The following SNRPN variants were observed in gnomAD, a reference collection of about 807,000 sequenced individuals.
The protein encoded by SNRPN is small nuclear ribonucleoprotein-associated protein N.
In SNRPN, 7 loss-of-function variants were observed where a neutral mutation model predicts 25.2. The ratio of observed to expected loss-of-function variants is 0.28; its 90% CI spans 0.16 to 0.52. The LOEUF (loss-of-function observed/expected upper bound fraction) is 0.52, where lower values mean the gene tolerates loss of function less well. Ranked by LOEUF, SNRPN falls within the 20% of genes least tolerant of loss-of-function variation. The pLI, the probability that SNRPN is intolerant of heterozygous loss-of-function variation, is 0.96. For synonymous variants in SNRPN, 124 were observed against 110.6 expected (o/e 1.12, Z -0.76); for missense variants, 196 against 322.5 (o/e 0.61, Z 3.00).
intron 1 of SNRPN, 87 bp downstream of exon 1, chr15:24,955,149 G>T: frequency 6.4e-7 from 1 of 1,572,230 alleles, no homozygotes; most frequent in South Asian, 1.1e-5. Flanking sequence ...TTAGGACTTG[G>T]AGTACTGAAT....
chr15:24,844,573 G>A (rs959486302), intron 2 of SNRPN, among the ~76,000 whole-genome samples: 1 of 151,950 alleles, frequency 6.6e-6, no homozygotes, highest in African/African-American at 2.4e-5. Context: ...CACCCAGGCT[G>A]GAGTGCAATG....
At chr15:24,881,120 G>C (rs145386613) in intron 1 of SNRPN, among the ~76,000 whole-genome samples, 2 of 152,256 alleles carry the variant, frequency 1.3e-5, no homozygotes, top group Non-Finnish European at 2.9e-5. Flanking sequence ...ATGGAAGATA[G>C]GCAGGTGTTC....
At chr15:24,922,967 G>A (rs113200397) in intron 3 of SNRPN, among the ~76,000 whole-genome samples, 8,796 of 140,854 alleles carry the variant, frequency 0.062, 372 homozygotes, top group Admixed American at 0.12. Context: ...GTGCAGTGGC[G>A]CAATCTCAGC....
rs140651683 is a variant in SNRPN, at chr15:24,851,029, T to C, written c.-579+21124T>C. On this transcript the variant is annotated intron_variant, in intron 2 of 12. Transcript: ENST00000400100. Reference sequence around the variant, plus strand: ...TCTACCTCCTGGGCCCTAGCAGTTATCCTACCTCAGCCTCCCATGTAGCTG... The same window carrying C: ...TCTACCTCCTGGGCCCTAGCAGTTACCCTACCTCAGCCTCCCATGTAGCTG... The C allele has an allele frequency of 7.2e-5, 11 of 152,224 alleles. No individual in the cohort carries two copies. The East Asian group carries it at 1.5e-3, about 21-fold the overall frequency. 9.4% of individuals were successfully genotyped at this position (152,224 alleles called of 1,614,324 possible). A position where few individuals can be genotyped will look rare whatever the true frequency, so the allele number is the denominator to read the frequency against.
chr15:24,945,974 T>C (rs1476176128), intron 3 of SNRPN, among the ~76,000 whole-genome samples: 1 of 152,232 alleles, frequency 6.6e-6, no homozygotes, highest in Non-Finnish European at 1.5e-5. Context: ...CCTGTTGGGT[T>C]AGTTCCTGGG....
Position 24,962,225 on chromosome 15 carries a change from G to A in SNRPN, c.-295+16G>A, listed in dbSNP as rs1456095202. 6.2e-7 allele frequency: 1 copy of A among 1,605,782 alleles called. No individual in the cohort carries two copies. Among genetic ancestry groups the A allele is most frequent in the Admixed American group, 1.7e-5 (1 of 59,990 alleles). On this transcript the variant is annotated intron_variant, in intron 2 of 9. Transcript: ENST00000390687. The stretch of plus-strand genomic sequence containing the variant: ...GCAACCAAGAGTGAGTACAGACTGT[G>A]TTGGGAACAAATGCAAGTCAGAATC...
At chr15:24,882,154 A>T (rs1343425525) in intron 1 of SNRPN, among the ~76,000 whole-genome samples, 1 of 152,158 alleles carries the variant, frequency 6.6e-6, no homozygotes, top group Non-Finnish European at 1.5e-5. Context: ...GCGAATGATT[A>T]AATATTAAAT....
chr15:24,914,455 G>A (rs948840583), intron 2 of SNRPN, among the ~76,000 whole-genome samples: 1 of 152,164 alleles, frequency 6.6e-6, no homozygotes, highest in Admixed American at 6.5e-5. Context: ...AGCATTTTGG[G>A]AGGCTGAGGC....
chr15:24,852,304 T>A (rs952046394), upstream of SNRPN: 23 of 152,252 alleles, frequency 1.5e-4, no homozygotes. Flanking sequence ...CAATATTATA[T>A]CTTTTCTTCT....
chr15:24,978,329 G>A lies in SNRPN; in HGVS notation c.685+11G>A, dbSNP rs1280767818. 1 of 1,614,066 alleles carries A rather than the reference G, an allele frequency of 6.2e-7. No individual in the cohort carries two copies. Among genetic ancestry groups the A allele is most frequent in the Non-Finnish European group, 8.5e-7 (1 of 1,179,968 alleles). ...CACCAGGCATTAGAGGTGAGTGGGA[G>A]CATAGGGGTTTGATGGTTCAGCCAG... On this transcript the variant is annotated intron_variant, in intron 9 of 9. Transcript: ENST00000390687.
Position 24,974,863 on chromosome 15 carries a change from C to T in SNRPN, c.3+407C>T, listed in dbSNP as rs546523681. ...CATGAGATGAGCCACTGTGCCTGGC[C>T]ATGAGAAATGTTTCATGATGTGAGA... On this transcript the variant is annotated intron_variant, in intron 4 of 9. Transcript: ENST00000390687. The T allele has an allele frequency of 4.0e-5, 28 of 699,514 alleles. No individual in the cohort carries two copies. The South Asian group carries it at 4.2e-4, about 10-fold the overall frequency. 43.3% of individuals were successfully genotyped at this position (699,514 alleles called of 1,614,324 possible). A position where few individuals can be genotyped will look rare whatever the true frequency, so the allele number is the denominator to read the frequency against.
At chr15:24,864,693 C>G (rs149097522) in intron 1 of SNRPN, among the ~76,000 whole-genome samples, 221 of 151,956 alleles carry the variant, frequency 1.5e-3, no homozygotes, top group African/African-American at 5.2e-3. Context: ...ACATTTCCCC[C>G]CTATGCTCCC....
intron 2 of SNRPN, among the ~76,000 whole-genome samples, chr15:24,887,627 A>G (rs1481385161): frequency 6.6e-6 from 1 of 152,168 alleles, no homozygotes; most frequent in African/African-American, 2.4e-5. Flanking sequence ...TGAGATTTGT[A>G]TACATTGGAG....
intron 1 of SNRPN, among the ~76,000 whole-genome samples, chr15:24,870,309 A>C (rs116847138): frequency 0.013 from 1,972 of 152,314 alleles, 17 homozygotes; most frequent in Middle Eastern, 0.024. Context: ...CGATTTGAGG[A>C]GTAGTCAGCT....
chr15:24,869,186 T>C (rs2054862518), intron 1 of SNRPN, among the ~76,000 whole-genome samples: 1 of 152,100 alleles, frequency 6.6e-6, no homozygotes, highest in Non-Finnish European at 1.5e-5. Context: ...TCAACAATAT[T>C]GACAAGGTTT....
chr15:24,909,631 A>C (rs868070126), intron 2 of SNRPN: 1 of 1,221,884 alleles, frequency 8.2e-7, no homozygotes. Context: ...GGGCATAAGC[A>C]ATCTGACAAA....
At chr15:24,881,465 A>T (rs2056595707) in intron 1 of SNRPN, among the ~76,000 whole-genome samples, 1 of 151,436 alleles carries the variant, frequency 6.6e-6, no homozygotes, top group Non-Finnish European at 1.5e-5. Flanking sequence ...TGGGAGGCAG[A>T]GGTTGCAATG....
intron 1 of SNRPN, among the ~76,000 whole-genome samples, chr15:24,959,532 A>G (rs1014313658): frequency 2.0e-5 from 3 of 152,126 alleles, no homozygotes; most frequent in African/African-American, 7.2e-5. Context: ...TTGACCTCAG[A>G]CCTTTCATAT....
chr15:24,846,066 C>T (rs1468323904), intron 2 of SNRPN, among the ~76,000 whole-genome samples: 1 of 147,046 alleles, frequency 6.8e-6, no homozygotes, highest in Non-Finnish European at 1.5e-5. Flanking sequence ...GCTGGGGTGA[C>T]AGAACGAGAC....
Sources: gnomAD v4.1 joint callset for allele counts (sites outside exome capture counted in the v4.1 genomes callset) on GRCh38, gnomAD v4.1.1 for gene constraint, MANE v1.5 for transcripts, NCBI Gene and HGNC (gene_info 2026-07-23, HGNC 2026-07-21) for gene names.